The following CSGALNACT1 variants were observed in gnomAD, a reference collection of about 807,000 sequenced individuals.
CSGALNACT1 encodes chondroitin sulfate N-acetylgalactosaminyltransferase 1.
In CSGALNACT1, 52 loss-of-function variants were observed where a neutral mutation model predicts 51.0. That is an observed-to-expected ratio of 1.02 (90% CI 0.82 to 1.29). The LOEUF is 1.29. Ranked by LOEUF, CSGALNACT1 falls within the 50% of genes most tolerant of loss-of-function variation. The pLI is 0.00. For synonymous variants in CSGALNACT1, 341 were observed against 254.4 expected (o/e 1.34, Z -3.24); for missense variants, 935 against 679.2 (o/e 1.38, Z -4.19).
chr8:19,476,894 G>A (rs1010155499), intron 4 of CSGALNACT1, among the ~76,000 whole-genome samples: 7 of 152,138 alleles, frequency 4.6e-5, no homozygotes, highest in Admixed American at 3.9e-4. Flanking sequence ...CTCCCCTCAA[G>A]ACTTTCCCAT....
At chr8:19,719,377 T>C (rs1011949289) in intron 1 of CSGALNACT1, among the ~76,000 whole-genome samples, 1 of 152,204 alleles carries the variant, frequency 6.6e-6, no homozygotes, top group African/African-American at 2.4e-5. Flanking sequence ...TATGCCGATA[T>C]TTGTCATTAT....
intron 3 of CSGALNACT1, among the ~76,000 whole-genome samples, chr8:19,559,142 G>A (rs1170621071): frequency 6.6e-6 from 1 of 152,038 alleles, no homozygotes; most frequent in Non-Finnish European, 1.5e-5. Context: ...ATCTGAAATG[G>A]AAATTACAAA....
chr8:19,702,094 T>C (rs2061912098), intron 1 of CSGALNACT1, among the ~76,000 whole-genome samples: 1 of 152,196 alleles, frequency 6.6e-6, no homozygotes, highest in African/African-American at 2.4e-5. Flanking sequence ...ACCATCATTA[T>C]AGCCTCCTAA....
At chr8:19,756,975 C>A (rs1375110581) in intron 1 of CSGALNACT1, among the ~76,000 whole-genome samples, 2 of 130,110 alleles carry the variant, frequency 1.5e-5, no homozygotes, top group Admixed American at 1.6e-4. Context: ...CAAGCCGGTC[C>A]CCGGCCCCTG....
At chr8:19,707,684 T>C (rs537430173) in intron 1 of CSGALNACT1, among the ~76,000 whole-genome samples, 1 of 129,604 alleles carries the variant, frequency 7.7e-6, no homozygotes, top group Admixed American at 8.6e-5. Flanking sequence ...CTTTTTTTAA[T>C]CCACAAAAAA....
upstream of CSGALNACT1, among the ~76,000 whole-genome samples, chr8:19,605,594 C>G (rs899439728): frequency 1.3e-5 from 2 of 152,092 alleles, no homozygotes; most frequent in Non-Finnish European, 2.9e-5. Context: ...GTGTCATCAC[C>G]AGTGTCAGTT....
intron 4 of CSGALNACT1, among the ~76,000 whole-genome samples, chr8:19,489,530 C>T (rs2073890560): frequency 6.6e-6 from 1 of 152,112 alleles, no homozygotes; most frequent in Non-Finnish European, 1.5e-5. Context: ...TTTATTCATT[C>T]AACAAACATT....
chr8:19,684,318 G>T (rs1028518209), upstream of CSGALNACT1, among the ~76,000 whole-genome samples: 1 of 152,132 alleles, frequency 6.6e-6, no homozygotes, highest in African/African-American at 2.4e-5. Flanking sequence ...ATGGGAAAAG[G>T]TACGTTCATT....
chr8:19,751,102 CAG>C (rs944018031), intron 1 of CSGALNACT1, among the ~76,000 whole-genome samples: 1 of 152,112 alleles, frequency 6.6e-6, no homozygotes, highest in African/African-American at 2.4e-5. Context: ...GTTTGCATGT[CAG>C]AACTCAAAGA....
chr8:19,664,933 T>C (rs2059067409), intron 1 of CSGALNACT1, among the ~76,000 whole-genome samples: 2 of 152,188 alleles, frequency 1.3e-5, no homozygotes, highest in East Asian at 3.8e-4. Flanking sequence ...ATGGGTACAA[T>C]GTATACTATT....
At chr8:19,661,374 G>A (rs556081596) in intron 1 of CSGALNACT1, among the ~76,000 whole-genome samples, 5 of 152,260 alleles carry the variant, frequency 3.3e-5, no homozygotes, top group South Asian at 2.1e-4. Context: ...ATGGAATGCT[G>A]CAAAGTCCTA....
chr8:19,676,083 T>TAA (rs1564404826), intron 1 of CSGALNACT1, among the ~76,000 whole-genome samples: 8 of 59,162 alleles, frequency 1.4e-4, no homozygotes, highest in African/African-American at 3.3e-4. Flanking sequence ...GTTGTCTGAT[T>TAA]TAAAAAACAA....
intron 3 of CSGALNACT1, among the ~76,000 whole-genome samples, chr8:19,571,431 A>G (rs1365519083): frequency 6.6e-6 from 1 of 151,886 alleles, no homozygotes; most frequent in Non-Finnish European, 1.5e-5. Flanking sequence ...CAAAGTCCAG[A>G]AAGCAATTAA....
At chr8:19,529,681 G>A (rs1023568626) in intron 3 of CSGALNACT1, among the ~76,000 whole-genome samples, 10 of 151,956 alleles carry the variant, frequency 6.6e-5, no homozygotes, top group African/African-American at 1.9e-4. Context: ...CACACACACA[G>A]AGTTGTCGCT....
chr8:19,678,038 T>A (rs2060322998), intron 1 of CSGALNACT1, among the ~76,000 whole-genome samples: 1 of 151,780 alleles, frequency 6.6e-6, no homozygotes. Context: ...GCCCAGGAGG[T>A]GGAAGCTGCA....
intron 4 of CSGALNACT1, among the ~76,000 whole-genome samples, 194 bp downstream of exon 3, chr8:19,505,007 A>G (rs2077036720): frequency 6.6e-6 from 1 of 152,194 alleles, no homozygotes; most frequent in South Asian, 2.1e-4. Context: ...CGTGGTTTCC[A>G]TGAGAAAGTA....
At chr8:19,729,068 C>T (rs1259665657) in intron 1 of CSGALNACT1, among the ~76,000 whole-genome samples, 4 of 151,540 alleles carry the variant, frequency 2.6e-5, no homozygotes, top group South Asian at 2.1e-4. Flanking sequence ...CAAAATATTC[C>T]GTGGATAAGT....
intron 5 of CSGALNACT1, among the ~76,000 whole-genome samples, chr8:19,440,823 T>A (rs955608998): frequency 6.6e-6 from 1 of 152,058 alleles, no homozygotes; most frequent in South Asian, 2.1e-4. Context: ...AAAACCCCAT[T>A]GTCTCAGCCC....
At chr8:19,580,292 A>G (rs2045280699) in intron 3 of CSGALNACT1, among the ~76,000 whole-genome samples, 2 of 152,236 alleles carry the variant, frequency 1.3e-5, no homozygotes, top group African/African-American at 2.4e-5. Context: ...GTGAGTTGTA[A>G]AAGGAGGAGA....
Sources: gnomAD v4.1 joint callset for allele counts (sites outside exome capture counted in the v4.1 genomes callset) on GRCh38, gnomAD v4.1.1 for gene constraint, MANE v1.5 for transcripts, NCBI Gene and HGNC (gene_info 2026-07-23, HGNC 2026-07-21) for gene names.